SPEF2: variants seen among roughly 807,000 people sequenced by gnomAD.
SPEF2 encodes sperm flagella and cilia-associated protein 2.
In SPEF2, 187 loss-of-function variants were observed where a neutral mutation model predicts 224.6. The observed-to-expected ratio is 0.83, with a 90% CI of 0.74 to 0.94. The LOEUF is 0.94. Among genes scored for constraint, SPEF2 ranks in the 40% least tolerant of loss-of-function variants. SPEF2 has a pLI of 0.00. For missense variants in SPEF2, 2,170 were observed against 2,135.6 expected, an observed-to-expected ratio of 1.02 and a Z score of -0.32; for synonymous variants, 715 against 707.3, an observed-to-expected ratio of 1.01 and a Z score of -0.17.
chr5:35,659,188 A>T lies in SPEF2; in HGVS notation c.1148A>T (p.Asp383Val). ...GAAAGACGACTTAAAGATTTCCAGG[A>T]TGCTCTTGATCGAGAAGCGGTAAAT... ...HEERRLKDFQDALDREAALAK... is the reference protein window; with the variant it reads ...HEERRLKDFQVALDREAALAK... Residue 383 changes from aspartate to valine, a missense_variant, in exon 8 of 37, where the codon GAT becomes GTT. Physicochemically the swap from Asp to Val is radical, Grantham distance 152. Coordinates refer to ENST00000356031, the MANE Select transcript of SPEF2 (RefSeq NM_024867.4). The T allele has an allele frequency of 6.2e-7, 1 of 1,609,970 alleles. No homozygotes were observed. The highest frequency in any genetic ancestry group is 1.1e-5 in the South Asian group (1 of 90,510).
At chr5:35,806,609 T>G in intron 34 of SPEF2, 98 bp from the exon 35 acceptor site, 1 of 1,448,882 alleles carries the variant, frequency 6.9e-7, no homozygotes, top group South Asian at 1.4e-5. Flanking sequence ...CTGTCATTCA[T>G]GAAAAGTGTG....
At position 35,789,240 on chromosome 5, in the gene SPEF2, T is replaced by C. The variant is rs1487238178; in HGVS notation, c.4448-3100T>C. 4.3e-6 allele frequency: 3 copies of C among 702,918 alleles called. No individual in the cohort carries two copies. In the African/African-American group the frequency reaches 5.2e-5, roughly 12 times the overall value. The allele number at this position is 702,918 out of a possible 1,614,324, so 43.5% of individuals were successfully genotyped here. On this transcript the variant is annotated intron_variant, in intron 30 of 36. Transcript: ENST00000356031. ...CTTCTCCAAGCTGACATTGTTAAATTTGCCCACTTCTTGTTGGATGTCATG... is the reference window on the plus strand; with the variant it reads ...CTTCTCCAAGCTGACATTGTTAAATCTGCCCACTTCTTGTTGGATGTCATG...
At chr5:35,774,094 C>T (rs1753261965) in intron 28 of SPEF2, 73 bp downstream of exon 28, 2 of 1,545,166 alleles carry the variant, frequency 1.3e-6, no homozygotes, top group Non-Finnish European at 1.7e-6. Flanking sequence ...CCACAACTGG[C>T]TCATCAATTG....
chr5:35,789,356 C>G (rs1407335667), intron 30 of SPEF2: 1 of 703,308 alleles, frequency 1.4e-6, no homozygotes, highest in Non-Finnish European at 2.6e-6. Flanking sequence ...GCTGGAAATG[C>G]TCCAAATGTA....
chr5:35,702,695 A>G (rs1738896570), intron 16 of SPEF2, among the ~76,000 whole-genome samples: 1 of 152,236 alleles, frequency 6.6e-6, no homozygotes, highest in Non-Finnish European at 1.5e-5. Context: ...TAAAAATTAA[A>G]AAGAAATCCA....
In SPEF2 at chr5:35,690,914, A is replaced by G. The variant is rs533987112; in HGVS notation, c.1525-123A>G. ...AATGTTATTACTCTTTTTATAATAT[A>G]ATTAAAGTATTCATTGGCTTTTGTT... On this transcript the variant is annotated intron_variant, in intron 10 of 36. Coordinates refer to ENST00000356031, the MANE Select transcript of SPEF2 (RefSeq NM_024867.4). The G allele has an allele frequency of 7.7e-6, 5 of 650,144 alleles. No homozygotes were observed. In the South Asian group the frequency reaches 1.0e-4, roughly 13 times the overall value. The allele number at this position is 650,144 out of a possible 1,614,324, so 40.3% of individuals were successfully genotyped here.
chr5:35,748,984 C>T (rs1748989486), intron 23 of SPEF2, among the ~76,000 whole-genome samples: 1 of 152,044 alleles, frequency 6.6e-6, no homozygotes, highest in South Asian at 2.1e-4. Flanking sequence ...GATAATCCAC[C>T]ATGATCAAGT....
intron 3 of SPEF2, among the ~76,000 whole-genome samples, chr5:35,643,047 C>G (rs923539111): frequency 2.0e-5 from 3 of 152,222 alleles, no homozygotes; most frequent in South Asian, 2.1e-4. Context: ...CCTCAGTGTT[C>G]AGAATTGGAT....
intron 10 of SPEF2, among the ~76,000 whole-genome samples, chr5:35,682,897 A>G (rs558066882): frequency 6.6e-6 from 1 of 152,332 alleles, no homozygotes; most frequent in African/African-American, 2.4e-5. Context: ...CGGCAGCATC[A>G]TTCAATCACT....
chr5:35,690,974 A>G (rs1171856119), intron 10 of SPEF2, 63 bp from the exon 11 acceptor site: 2 of 1,361,674 alleles, frequency 1.5e-6, no homozygotes, highest in Non-Finnish European at 2.0e-6. Context: ...ACATTTAAAT[A>G]TTTCATATAC....
intron 10 of SPEF2, among the ~76,000 whole-genome samples, chr5:35,672,580 T>C (rs1751343902): frequency 6.6e-6 from 1 of 151,700 alleles, no homozygotes; most frequent in Non-Finnish European, 1.5e-5. Context: ...GACAATTTCT[T>C]GAAGAGACCA....
intron 21 of SPEF2, among the ~76,000 whole-genome samples, chr5:35,729,765 A>T (rs1443851265): frequency 6.6e-6 from 1 of 152,098 alleles, no homozygotes; most frequent in Admixed American, 6.5e-5. Context: ...ATTGAATCAT[A>T]GGGGCCAGTC....
intron 10 of SPEF2, among the ~76,000 whole-genome samples, chr5:35,686,779 A>G (rs1753691384): frequency 6.6e-6 from 1 of 152,082 alleles, no homozygotes; most frequent in African/African-American, 2.4e-5. Flanking sequence ...TTGCCCATTT[A>G]TAGCCTTTCC....
intron 3 of SPEF2, among the ~76,000 whole-genome samples, chr5:35,643,026 A>G (rs965278438): frequency 6.6e-6 from 1 of 152,182 alleles, no homozygotes; most frequent in Non-Finnish European, 1.5e-5. Context: ...AGGGATGCTT[A>G]TTTCTACCTG....
chr5:35,661,799 A>T (rs1477257551), intron 8 of SPEF2, among the ~76,000 whole-genome samples: 1 of 152,090 alleles, frequency 6.6e-6, no homozygotes, highest in Non-Finnish European at 1.5e-5. Flanking sequence ...GTGTATATAT[A>T]CCACATTTTC....
At chr5:35,624,672 C>T (rs564636355) in intron 1 of SPEF2, among the ~76,000 whole-genome samples, 1 of 152,218 alleles carries the variant, frequency 6.6e-6, no homozygotes, top group African/African-American at 2.4e-5. Flanking sequence ...GAGTCTTGCT[C>T]TGTCACCAGG....
At chr5:35,799,780 G>T (rs1438686201) in intron 33 of SPEF2, among the ~76,000 whole-genome samples, 188 bp from the exon 34 acceptor site, 2 of 151,910 alleles carry the variant, frequency 1.3e-5, no homozygotes, top group African/African-American at 2.4e-5. Context: ...ATATTTCAGG[G>T]CCCCACTTTT....
chr5:35,716,116 C>G (rs1742519977), intron 20 of SPEF2, among the ~76,000 whole-genome samples: 1 of 151,710 alleles, frequency 6.6e-6, no homozygotes, highest in East Asian at 1.9e-4. Flanking sequence ...ACATAACATG[C>G]TAAAATCGAT....
At chr5:35,690,711 G>T (rs2149530659) in intron 10 of SPEF2, among the ~76,000 whole-genome samples, 1 of 152,130 alleles carries the variant, frequency 6.6e-6, no homozygotes, top group South Asian at 2.1e-4. Flanking sequence ...GCAGAGAAAT[G>T]ATTACTGTCT....
Sources: gnomAD v4.1 joint callset for allele counts (sites outside exome capture counted in the v4.1 genomes callset) on GRCh38, gnomAD v4.1.1 for gene constraint, MANE v1.5 for transcripts, NCBI Gene and HGNC (gene_info 2026-07-23, HGNC 2026-07-21) for gene names.